Variants in CCDC146 observed in about 807,000 individuals in gnomAD.
CCDC146 encodes coiled-coil domain-containing protein 146.
CCDC146 carries 92 observed loss-of-function variants against 119.3 expected under a neutral mutation model. That is an observed-to-expected ratio of 0.77 (90% CI 0.65 to 0.92). The LOEUF (loss-of-function observed/expected upper bound fraction) is 0.92, where lower values mean the gene tolerates loss of function less well. Among genes scored for constraint, CCDC146 ranks in the 40% least tolerant of loss-of-function variants. CCDC146 has a pLI of 0.00. For missense variants in CCDC146, 1,000 were observed against 1,103.0 expected (o/e 0.91, Z 1.32); for synonymous variants, 372 against 371.8 (o/e 1.00, Z -0.01).
chr7:77,227,718 A>C (rs557740764), intron 2 of CCDC146, among the ~76,000 whole-genome samples: 1 of 152,316 alleles, frequency 6.6e-6, no homozygotes, highest in Non-Finnish European at 1.5e-5. Context: ...AGTACTCTCT[A>C]AATTCTAATT....
rs754736908 is a variant in CCDC146 at position 77,274,478 on chromosome 7, A to G, written c.1270-4A>G. On this transcript the variant is annotated splice_region_variant and splice_polypyrimidine_tract_variant and intron_variant, in intron 10 of 18. Transcript: ENST00000285871. ...ATAATATTATCTGTGTTTTTTTTCA[A>G]AAGAAAATTATATCAGAAATGGAGT... The G allele has an allele frequency of 6.6e-7, 1 of 1,524,374 alleles. No individual in the cohort carries two copies. The highest frequency in any genetic ancestry group is 8.8e-7 in the Non-Finnish European group (1 of 1,134,970). 94.4% of individuals were successfully genotyped at this position (1,524,374 alleles called of 1,614,324 possible). A position where few individuals can be genotyped will look rare whatever the true frequency, so the allele number is the denominator to read the frequency against.
At chr7:77,199,308 A>G (rs576343284) in intron 2 of CCDC146, 2 of 1,614,120 alleles carry the variant, frequency 1.2e-6, no homozygotes, top group Admixed American at 1.7e-5. Flanking sequence ...TATTTACAAG[A>G]TTCAGCTTCT....
chr7:77,282,973 C>CTG (rs1793790031), intron 15 of CCDC146, among the ~76,000 whole-genome samples, 188 bp downstream of exon 15: 1 of 152,222 alleles, frequency 6.6e-6, no homozygotes, highest in South Asian at 2.1e-4. Context: ...GGCATCCAGG[C>CTG]TACACATTGT....
At chr7:77,272,003 C>A (rs1425657049) in intron 9 of CCDC146, among the ~76,000 whole-genome samples, 7 of 152,152 alleles carry the variant, frequency 4.6e-5, no homozygotes, top group Non-Finnish European at 1.0e-4. Context: ...GGACAGCCCA[C>A]TCCAGGCACA....
chr7:77,176,720 A>G (rs1202116935), intron 2 of CCDC146, among the ~76,000 whole-genome samples: 1 of 151,526 alleles, frequency 6.6e-6, no homozygotes, highest in Non-Finnish European at 1.5e-5. Context: ...TATTTACCTA[A>G]TTTCATACTT....
intron 2 of CCDC146, among the ~76,000 whole-genome samples, chr7:77,210,824 G>T (rs1399646171): frequency 6.6e-6 from 1 of 152,106 alleles, no homozygotes; most frequent in Non-Finnish European, 1.5e-5. Context: ...TATATGGCTG[G>T]GGCAGGAGGG....
At position 77,196,665 on chromosome 7, in the gene CCDC146, G is replaced by T. The variant is rs1240391031; in HGVS notation, c.156+28841G>T. The T allele has an allele frequency of 6.2e-7, 1 of 1,614,102 alleles. No homozygotes were observed. The highest frequency in any genetic ancestry group is 2.2e-5 in the East Asian group (1 of 44,888). ...TAAAACTGATCATACAAGGCATATA[G>T]TTCGACACCATTAAAGTCTTCAAGA... On this transcript the variant is annotated intron_variant, in intron 2 of 18. Transcript: ENST00000285871. The surrounding 1 kb of genome is among the most constrained non-coding windows in gnomAD (Gnocchi z 4.2).
At chr7:77,132,054 T>C (rs1209848734) in intron 1 of CCDC146, among the ~76,000 whole-genome samples, 1 of 152,174 alleles carries the variant, frequency 6.6e-6, no homozygotes, top group Non-Finnish European at 1.5e-5. Flanking sequence ...TTACTCTATG[T>C]AAATTTAAAA....
At chr7:77,137,503 C>T (rs1319619061) in intron 1 of CCDC146, among the ~76,000 whole-genome samples, 2 of 144,148 alleles carry the variant, frequency 1.4e-5, no homozygotes, top group Admixed American at 1.4e-4. Context: ...AACATCATTT[C>T]CATTAGAACC....
Position 77,294,674 on chromosome 7 carries a change from A to G in CCDC146, c.2676A>G (p.Glu892=), listed in dbSNP as rs567543885. Residue 892 remains glutamate, a synonymous_variant, in exon 19 of 19, where the codon GAA becomes GAG. Coordinates refer to ENST00000285871, the MANE Select transcript of CCDC146 (RefSeq NM_020879.3). ...AIAEKSQEFL[E]ADNRQLPNGV... is the part of the protein sequence containing the mutation. ...ATCATTCTTTGCAGGAGTTCTTGGA[A>G]GCAGATAATCGCCAGCTGCCCAATG... 6.2e-6 allele frequency: 10 copies of G among 1,614,156 alleles called. No individual in the cohort carries two copies. The African/African-American group carries it at 1.3e-4, about 22-fold the overall frequency.
chr7:77,189,911 T>C (rs1791733461), intron 2 of CCDC146, among the ~76,000 whole-genome samples: 1 of 152,220 alleles, frequency 6.6e-6, no homozygotes, highest in Non-Finnish European at 1.5e-5. Flanking sequence ...CCCCCTTTTC[T>C]ACTACTCCCT....
chr7:77,140,390 G>A (rs182168906), intron 1 of CCDC146, among the ~76,000 whole-genome samples: 1,528 of 152,040 alleles, frequency 0.01, 20 homozygotes, highest in African/African-American at 0.035. Flanking sequence ...ATTTCTTACA[G>A]TTCTGGAAGC....
intron 2 of CCDC146, among the ~76,000 whole-genome samples, chr7:77,190,138 C>T (rs181667095): frequency 1.0e-3 from 158 of 152,302 alleles, no homozygotes; most frequent in Non-Finnish European, 1.8e-3. Context: ...GCATTTCTAT[C>T]TCCATAAGTC....
intron 4 of CCDC146, chr7:77,242,284 C>A: frequency 1.6e-6 from 1 of 634,970 alleles, no homozygotes; most frequent in Non-Finnish European, 2.0e-6. Flanking sequence ...GCACTTCTCC[C>A]CACATGCATT....
rs764584639 is a variant in CCDC146 at position 77,256,424 on chromosome 7, G to A, written c.599G>A (p.Arg200Gln). The change falls in exon 6 of 19, where the codon CGA becomes CAA. Residue 200 changes from arginine to glutamine, a missense_variant. By Grantham distance (43) the Arg-to-Gln change is conservative. Around this residue, in one of 2 missense-constraint regions of CCDC146, gnomAD observed 985 missense variants for 1,045.3 expected, o/e 0.94. Transcript: ENST00000285871. ...AAGAAATTAGAAATTAAAAATTTAC[G>A]AGAAGATTTGGCATCTAAACAAAAG... ...MQKKLEIKNLREDLASKQKQL... is the reference protein window; with the variant it reads ...MQKKLEIKNLQEDLASKQKQL... 11 of 1,607,630 alleles carry A rather than the reference G, an allele frequency of 6.8e-6. No homozygotes were observed. Among genetic ancestry groups the A allele is most frequent in the East Asian group, 6.7e-5 (3 of 44,830 alleles).
At chr7:77,236,456 C>A (rs1250888114) in intron 2 of CCDC146, among the ~76,000 whole-genome samples, 1 of 152,158 alleles carries the variant, frequency 6.6e-6, no homozygotes, top group Non-Finnish European at 1.5e-5. Flanking sequence ...CTTTAACTAG[C>A]TCTATAACCT....
chr7:77,259,937 CAAGTGTGTGTGTGTGTGT>C, intron 7 of CCDC146, 54 bp from the exon 8 acceptor site: 1 of 901,468 alleles, frequency 1.1e-6, no homozygotes, highest in South Asian at 1.7e-5. Context: ...CAAAATAAGG[CAAGTGTGTGTGTGTGTGT>C]GTGTGTGTGT....
intron 5 of CCDC146, 23 bp from the exon 6 acceptor site, chr7:77,256,300 TATATAACCTA>T (rs1470752661): frequency 1.3e-6 from 2 of 1,514,276 alleles, no homozygotes; most frequent in Non-Finnish European, 1.8e-6. Context: ...TTGCTCAGAC[TATATAACCTA>T]ATCATCTTCA....
intron 1 of CCDC146, among the ~76,000 whole-genome samples, chr7:77,124,078 T>C (rs1361366329): frequency 6.6e-6 from 1 of 152,224 alleles, no homozygotes; most frequent in Middle Eastern, 3.2e-3. Flanking sequence ...CACTAGACAT[T>C]TTTAGATTAA....
Sources: gnomAD v4.1 joint callset for allele counts (sites outside exome capture counted in the v4.1 genomes callset) on GRCh38, gnomAD v4.1.1 for gene constraint, gnomAD v4.1.1 regional missense constraint, Gnocchi (gnomAD v3.1) non-coding constraint, MANE v1.5 for transcripts, NCBI Gene and HGNC (gene_info 2026-07-23, HGNC 2026-07-21) for gene names.